The following ZNF536 variants were observed in gnomAD, a reference collection of about 807,000 sequenced individuals.
ZNF536 encodes the protein zinc finger protein 536.
In ZNF536, 13 loss-of-function variants were observed where a neutral mutation model predicts 84.5. The observed-to-expected ratio is 0.15, with a 90% confidence interval of 0.10 to 0.24. The LOEUF (loss-of-function observed/expected upper bound fraction) is 0.24, where lower values mean the gene tolerates loss of function less well. ZNF536 is among the 10% of genes least tolerant of loss of function. The probability of loss-of-function intolerance (pLI) is 1.00; values close to 1 mark genes in which losing one functional copy is unlikely to be tolerated. For missense variants in ZNF536, 1,536 were observed against 1,747.5 expected (o/e 0.88, Z 2.16); for synonymous variants, 811 against 742.5 (o/e 1.09, Z -1.50).
intron 1 of ZNF536, among the ~76,000 whole-genome samples, chr19:30,645,355 A>G (rs912045432): frequency 6.6e-6 from 1 of 152,180 alleles, no homozygotes; most frequent in African/African-American, 2.4e-5. Context: ...TTTGCTGTGC[A>G]GAAGCTCTTT....
chr19:30,547,617 C>A (rs2045605565), intron 3 of ZNF536, among the ~76,000 whole-genome samples: 1 of 152,184 alleles, frequency 6.6e-6, no homozygotes, highest in Non-Finnish European at 1.5e-5. Flanking sequence ...TAAACTTCTA[C>A]TTTTAATGAT....
intron 1 of ZNF536, among the ~76,000 whole-genome samples, chr19:30,397,822 G>T (rs1417332212): frequency 2.0e-5 from 3 of 152,242 alleles, no homozygotes; most frequent in African/African-American, 7.2e-5. Flanking sequence ...CCAGTGTTCA[G>T]AAATAAATAG....
At chr19:30,237,591 G>T (rs927076807) in intron 1 of ZNF536, among the ~76,000 whole-genome samples, 10 of 152,180 alleles carry the variant, frequency 6.6e-5, no homozygotes, top group Non-Finnish European at 1.3e-4. Flanking sequence ...ATCATCAACG[G>T]ACTCTTAACC....
chr19:30,703,188 G>A (rs919120408), intron 1 of ZNF536, among the ~76,000 whole-genome samples: 1 of 152,174 alleles, frequency 6.6e-6, no homozygotes, highest in Non-Finnish European at 1.5e-5. Flanking sequence ...TCGAGCAAAG[G>A]TCCCGGGGCA....
At chr19:30,416,035 A>AT (rs2050716679) in intron 1 of ZNF536, among the ~76,000 whole-genome samples, 1 of 152,060 alleles carries the variant, frequency 6.6e-6, no homozygotes, top group African/African-American at 2.4e-5. Context: ...CCATTTCATT[A>AT]TTTTTGTACT....
intron 2 of ZNF536, among the ~76,000 whole-genome samples, chr19:30,502,540 G>C (rs908634578): frequency 1.3e-5 from 2 of 152,150 alleles, no homozygotes; most frequent in African/African-American, 4.8e-5. Context: ...GAGCAGCCAG[G>C]GGGCTAATGG....
chr19:30,516,718 G>A (rs1005987601), intron 2 of ZNF536, among the ~76,000 whole-genome samples: 1 of 152,184 alleles, frequency 6.6e-6, no homozygotes, highest in Non-Finnish European at 1.5e-5. Context: ...AAATTAGTGA[G>A]CATTCCAAAG....
intron 1 of ZNF536, among the ~76,000 whole-genome samples, chr19:30,594,708 G>A (rs763647273): frequency 2.6e-5 from 4 of 151,944 alleles, no homozygotes; most frequent in African/African-American, 9.7e-5. Flanking sequence ...GCAGCTAGCC[G>A]GCCTGTGCTG....
At chr19:30,281,931 C>A (rs1425887445) in intron 1 of ZNF536, among the ~76,000 whole-genome samples, 2 of 152,176 alleles carry the variant, frequency 1.3e-5, no homozygotes, top group Non-Finnish European at 2.9e-5. Flanking sequence ...GGAGGCCTCA[C>A]GTCCAGGCTG....
chr19:30,312,225 G>A lies in ZNF536; in HGVS notation c.-120+28084G>A, dbSNP rs140715316. 3.3e-5 allele frequency among the ~76,000 whole-genome samples: 5 copies of A among 152,310 alleles called. No homozygotes were observed. In the East Asian group the frequency reaches 9.7e-4, roughly 29 times the overall value. On this transcript the variant is annotated intron_variant, in intron 2 of 5. Transcript: ENST00000585628. ...GAGAGAAGATGAGCCTTTCCAGGAT[G>A]GCGAGGTGCATGTGACCTTAACTGT...
rs561578646 is a variant in ZNF536, at chr19:30,580,734, C to A, written c.169+31220C>A. On this transcript the variant is annotated intron_variant, in intron 1 of 1. Coordinates refer to the ZNF536 transcript ENST00000592773. ...ATAGGGTCTCGAGGAAATTCCAGCT[C>A]ATCCTACTCTTTTCTTCCTCCCCTT... Among the ~76,000 whole-genome samples, 22 of 152,310 alleles carry A rather than the reference C, an allele frequency of 1.4e-4. No homozygotes were observed. In the South Asian group the frequency reaches 4.4e-3, roughly 30 times the overall value.
chr19:30,566,135 A>G (rs1469346184), intron 1 of ZNF536, among the ~76,000 whole-genome samples: 1 of 152,216 alleles, frequency 6.6e-6, no homozygotes, highest in African/African-American at 2.4e-5. Context: ...GGCAGCCTAG[A>G]GGAGAACTCA....
intron 1 of ZNF536, among the ~76,000 whole-genome samples, chr19:30,424,523 G>C (rs1356699259): frequency 1.3e-5 from 2 of 152,130 alleles, no homozygotes; most frequent in Admixed American, 6.5e-5. Context: ...GGGAATCTCT[G>C]GGTTCTGGGG....
chr19:30,662,919 A>C (rs1367135621), intron 1 of ZNF536, among the ~76,000 whole-genome samples: 6 of 150,104 alleles, frequency 4.0e-5, no homozygotes, highest in Non-Finnish European at 8.9e-5. Context: ...AAAAAGGGAA[A>C]ATTTTTTCTC....
At chr19:30,260,540 T>C (rs1316162688) in intron 1 of ZNF536, among the ~76,000 whole-genome samples, 1 of 152,214 alleles carries the variant, frequency 6.6e-6, no homozygotes, top group Non-Finnish European at 1.5e-5. Context: ...ATGTCGGCCA[T>C]TGGCAATTCT....
At chr19:30,713,530 G>GT (rs922655347) in exon 2 of ZNF536, 1 of 152,064 alleles carries the variant, frequency 6.6e-6, no homozygotes, top group African/African-American at 2.4e-5. Context: ...ATTAAAAGTT[G>GT]TTTTTTCAGC....
intron 1 of ZNF536, among the ~76,000 whole-genome samples, chr19:30,255,227 G>T (rs1472353116): frequency 6.6e-6 from 1 of 152,110 alleles, no homozygotes; most frequent in Admixed American, 6.6e-5. Context: ...ATTGTCGGTG[G>T]GGTTTACTCT....
chr19:30,683,196 C>G (rs891902341), intron 1 of ZNF536, among the ~76,000 whole-genome samples: 1 of 152,092 alleles, frequency 6.6e-6, no homozygotes, highest in Non-Finnish European at 1.5e-5. Context: ...AGCCGGGTCT[C>G]GGGGAATTTT....
intron 3 of ZNF536, among the ~76,000 whole-genome samples, chr19:30,363,477 G>A (rs966331590): frequency 2.6e-5 from 4 of 152,142 alleles, no homozygotes; most frequent in South Asian, 2.1e-4. Flanking sequence ...CTCTGAGCTG[G>A]CAGAAGCATA....
Sources: gnomAD v4.1 joint callset for allele counts (sites outside exome capture counted in the v4.1 genomes callset) on GRCh38, gnomAD v4.1.1 for gene constraint, MANE v1.5 for transcripts, NCBI Gene and HGNC (gene_info 2026-07-23, HGNC 2026-07-21) for gene names.